Variants in ROBO2 observed in about 807,000 individuals in gnomAD.
ROBO2 encodes roundabout homolog 2.
Under a neutral mutation model 160.8 loss-of-function variants are expected in ROBO2, and 53 were observed. That is an observed-to-expected ratio of 0.33 (90% CI 0.26 to 0.41). ROBO2 has a LOEUF of 0.41. Ranked by LOEUF, ROBO2 falls within the 10% of genes least tolerant of loss-of-function variation. The probability of loss-of-function intolerance (pLI) is 1.00; values close to 1 mark genes in which losing one functional copy is unlikely to be tolerated. For missense variants in ROBO2, 1,577 were observed against 1,722.4 expected (o/e 0.92, Z 1.49); for synonymous variants, 664 against 611.7 (o/e 1.09, Z -1.26).
rs548531186 is a variant in ROBO2 at position 76,683,351 on chromosome 3, AT to A, written c.110-414653del. Among the ~76,000 whole-genome samples the A allele has an allele frequency of 1.1e-3, 167 of 146,120 alleles. 1 individual carries two copies. Among genetic ancestry groups the A allele is most frequent in the East Asian group, 3.4e-3 (17 of 4,958 alleles). ...GACTGCTTGGATTTTATAGCTGCTG[AT>A]TTTTTTTTTATAGATGGTAATCTGT... On this transcript the variant is annotated intron_variant, in intron 2 of 26. Transcript: ENST00000487694.
chr3:76,053,362 T>C (rs1372991452), intron 2 of ROBO2, among the ~76,000 whole-genome samples: 3 of 152,064 alleles, frequency 2.0e-5, no homozygotes, highest in Non-Finnish European at 4.4e-5. Flanking sequence ...AGTCTGAGAC[T>C]ATTTTCTAGT....
intron 7 of ROBO2, among the ~76,000 whole-genome samples, chr3:77,549,076 G>T (rs1721187): frequency 6.6e-6 from 1 of 151,508 alleles, no homozygotes; most frequent in Non-Finnish European, 1.5e-5. Flanking sequence ...CACTCTCCAA[G>T]GCGGGAAGAG....
intron 1 of ROBO2, among the ~76,000 whole-genome samples, chr3:77,073,237 A>G (rs1481885133): frequency 6.6e-6 from 1 of 152,204 alleles, no homozygotes; most frequent in East Asian, 1.9e-4. Flanking sequence ...GAATGCATTT[A>G]ACTCAGTGTT....
chr3:77,274,084 C>T (rs2059672727), intron 2 of ROBO2, among the ~76,000 whole-genome samples: 1 of 151,978 alleles, frequency 6.6e-6, no homozygotes. Flanking sequence ...TTCTAGCTGA[C>T]TTTACCTGTA....
intron 2 of ROBO2, among the ~76,000 whole-genome samples, chr3:76,762,078 A>C (rs1158330559): frequency 1.3e-5 from 2 of 151,560 alleles, no homozygotes; most frequent in African/African-American, 2.4e-5. Flanking sequence ...GTTGAACTTC[A>C]TAATGTGGAG....
At chr3:76,056,195 G>A (rs1241354769) in intron 2 of ROBO2, among the ~76,000 whole-genome samples, 1 of 152,130 alleles carries the variant, frequency 6.6e-6, no homozygotes, top group South Asian at 2.1e-4. Flanking sequence ...GTATACGGGA[G>A]GATGCGCATA....
intron 2 of ROBO2, among the ~76,000 whole-genome samples, chr3:76,669,231 G>C (rs922056045): frequency 6.6e-6 from 1 of 152,132 alleles, no homozygotes; most frequent in East Asian, 1.9e-4. Flanking sequence ...CTGATGAGAA[G>C]AGAAGGCATT....
intron 2 of ROBO2, among the ~76,000 whole-genome samples, chr3:76,151,774 T>C (rs1171600745): frequency 1.3e-5 from 2 of 152,196 alleles, no homozygotes; most frequent in Non-Finnish European, 2.9e-5. Context: ...AAACCTTTCC[T>C]GATCAACTCA....
intron 2 of ROBO2, among the ~76,000 whole-genome samples, chr3:76,436,853 G>C (rs1407936140): frequency 6.6e-6 from 1 of 152,066 alleles, no homozygotes; most frequent in Non-Finnish European, 1.5e-5. Flanking sequence ...TCCTGTTAAG[G>C]TCGTAAGTGG....
chr3:76,926,401 T>G (rs1473768212), intron 2 of ROBO2, among the ~76,000 whole-genome samples: 3 of 152,224 alleles, frequency 2.0e-5, no homozygotes, highest in South Asian at 2.1e-4. Flanking sequence ...GGTGCCATAC[T>G]TGAGTTATCA....
intron 2 of ROBO2, among the ~76,000 whole-genome samples, chr3:76,586,486 T>C (rs1039595556): frequency 6.6e-6 from 1 of 152,230 alleles, no homozygotes; most frequent in Admixed American, 6.5e-5. Flanking sequence ...AGAAATGTAA[T>C]GTAAGACACA....
At chr3:76,420,175 A>C (rs1272573791) in intron 2 of ROBO2, among the ~76,000 whole-genome samples, 1 of 152,018 alleles carries the variant, frequency 6.6e-6, no homozygotes, top group African/African-American at 2.4e-5. Flanking sequence ...GAATATTATC[A>C]TTACACTATT....
At chr3:77,443,638 T>A (rs1266585198) in intron 2 of ROBO2, among the ~76,000 whole-genome samples, 2 of 152,186 alleles carry the variant, frequency 1.3e-5, no homozygotes, top group Admixed American at 1.3e-4. Context: ...ACTATAATTT[T>A]TTTTCCCTTT....
chr3:77,520,925 C>T (rs2090527352), intron 5 of ROBO2, among the ~76,000 whole-genome samples: 1 of 151,206 alleles, frequency 6.6e-6, no homozygotes, highest in African/African-American at 2.4e-5. Flanking sequence ...TGCATTTTAG[C>T]CTAGTACTTG....
rs533456190 is a variant in ROBO2 at position 76,956,544 on chromosome 3, G to A, written c.110-141470G>A. Among the ~76,000 whole-genome samples the A allele has an allele frequency of 6.7e-3, 946 of 140,856 alleles. 6 individuals are homozygous for A. The highest frequency in any genetic ancestry group is 0.038 in the Middle Eastern group (10 of 262). The allele number at this position is 140,856 out of a possible 152,430, so 92.4% of individuals were successfully genotyped here. On this transcript the variant is annotated intron_variant, in intron 2 of 26. Coordinates refer to the ROBO2 transcript ENST00000487694. ...TGCACTCCAGCCTGGGCGACAGAGC[G>A]AGACTCTGTCTCAAAAAAAAAAAAA...
chr3:76,033,310 A>ACACC (rs2066990965), intron 2 of ROBO2, among the ~76,000 whole-genome samples: 1 of 152,088 alleles, frequency 6.6e-6, no homozygotes, highest in Non-Finnish European at 1.5e-5. Flanking sequence ...ACACACACAC[A>ACACC]CACAGACATA....
intron 2 of ROBO2, among the ~76,000 whole-genome samples, chr3:76,689,644 A>T (rs1305321791): frequency 6.6e-6 from 1 of 152,212 alleles, no homozygotes; most frequent in Admixed American, 6.5e-5. Flanking sequence ...CTTAATAAAC[A>T]ATGATCATCT....
At chr3:77,488,117 G>T (rs2085606579) in intron 4 of ROBO2, among the ~76,000 whole-genome samples, 1 of 152,128 alleles carries the variant, frequency 6.6e-6, no homozygotes, top group Non-Finnish European at 1.5e-5. Flanking sequence ...TGTATATAAA[G>T]TTGGATTTTT....
chr3:76,269,015 T>C (rs1437111148), intron 2 of ROBO2, among the ~76,000 whole-genome samples: 2 of 152,088 alleles, frequency 1.3e-5, no homozygotes, highest in Non-Finnish European at 2.9e-5. Flanking sequence ...TTGAAATGAC[T>C]GTTATCTTAT....
Sources: gnomAD v4.1 joint callset for allele counts (sites outside exome capture counted in the v4.1 genomes callset) on GRCh38, gnomAD v4.1.1 for gene constraint, MANE v1.5 for transcripts, NCBI Gene and HGNC (gene_info 2026-07-23, HGNC 2026-07-21) for gene names.